FGF2: variants seen among roughly 807,000 people sequenced by gnomAD.
The protein encoded by FGF2 is basic fibroblast growth factor bFGF.
In FGF2, 13 loss-of-function variants were observed where a neutral mutation model predicts 15.9. The ratio of observed to expected loss-of-function variants is 0.82; its 90% CI spans 0.53 to 1.30. FGF2 has a LOEUF of 1.30. FGF2 is among the 50% of genes most tolerant of loss of function. The pLI is 0.00. For synonymous variants in FGF2, 90 were observed against 78.4 expected, an observed-to-expected ratio of 1.15 and a Z score of -0.78; for missense variants, 163 against 196.9, an observed-to-expected ratio of 0.83 and a Z score of 1.03.
intron 1 of FGF2, among the ~76,000 whole-genome samples, chr4:122,837,855 A>G (rs1030360213): frequency 6.6e-6 from 1 of 152,184 alleles, no homozygotes; most frequent in Non-Finnish European, 1.5e-5. Context: ...CTTTAAATGT[A>G]AGACTTATTA....
intron 1 of FGF2, among the ~76,000 whole-genome samples, chr4:122,864,682 A>G (rs1161273464): frequency 6.6e-6 from 1 of 152,172 alleles, no homozygotes; most frequent in Non-Finnish European, 1.5e-5. Flanking sequence ...CATGTTTAAT[A>G]TGATGCACAG....
At chr4:122,841,983 A>G (rs1052683380) in intron 1 of FGF2, among the ~76,000 whole-genome samples, 1 of 152,198 alleles carries the variant, frequency 6.6e-6, no homozygotes, top group Admixed American at 6.5e-5. Context: ...AATGATGTAG[A>G]ACTGTAGAGC....
intron 1 of FGF2, among the ~76,000 whole-genome samples, chr4:122,837,032 G>A (rs1451042399): frequency 6.6e-6 from 1 of 152,110 alleles, no homozygotes; most frequent in Non-Finnish European, 1.5e-5. Context: ...TCTTACTCAG[G>A]TCTAAAACCA....
intron 1 of FGF2, among the ~76,000 whole-genome samples, chr4:122,836,018 G>A (rs1299153617): frequency 6.6e-6 from 1 of 152,090 alleles, no homozygotes; most frequent in Non-Finnish European, 1.5e-5. Flanking sequence ...AGACTTCTTT[G>A]TGAAACTTTC....
At chr4:122,856,084 A>T (rs186939721) in intron 1 of FGF2, among the ~76,000 whole-genome samples, 2,696 of 152,288 alleles carry the variant, frequency 0.018, 82 homozygotes, top group African/African-American at 0.06. Context: ...AGAAAAAAAA[A>T]TTTTCAAATA....
chr4:122,841,071 G>T (rs1725974639), intron 1 of FGF2, among the ~76,000 whole-genome samples: 1 of 152,326 alleles, frequency 6.6e-6, no homozygotes, highest in South Asian at 2.1e-4. Context: ...TAGCCTTCGT[G>T]TGTTAATTTC....
intron 2 of FGF2, among the ~76,000 whole-genome samples, chr4:122,887,412 T>TC (rs1011061254): frequency 3.3e-5 from 5 of 151,896 alleles, no homozygotes; most frequent in African/African-American, 7.3e-5. Flanking sequence ...ATTTTAGCAG[T>TC]CCCCCCCACT....
chr4:122,876,281 C>T (rs2150784073), intron 1 of FGF2, 40 bp from the exon 2 acceptor site: 1 of 1,178,200 alleles, frequency 8.5e-7, no homozygotes, highest in Non-Finnish European at 1.3e-6. Flanking sequence ...AGGCTCTTTC[C>T]TCTGTGGTGC....
chr4:122,885,069 A>C (rs1448461571), intron 2 of FGF2, among the ~76,000 whole-genome samples: 1 of 152,222 alleles, frequency 6.6e-6, no homozygotes, highest in South Asian at 2.1e-4. Flanking sequence ...AAGTTTGGAT[A>C]GTCAACTCTT....
chr4:122,843,698 C>T (rs1412049284), intron 1 of FGF2, among the ~76,000 whole-genome samples: 2 of 152,090 alleles, frequency 1.3e-5, no homozygotes, highest in African/African-American at 2.4e-5. Flanking sequence ...GTAAATATCA[C>T]AATAAAGCGA....
At chr4:122,837,750 A>G (rs1725896043) in intron 1 of FGF2, among the ~76,000 whole-genome samples, 1 of 152,016 alleles carries the variant, frequency 6.6e-6, no homozygotes, top group Non-Finnish European at 1.5e-5. Context: ...TGATTTTGGA[A>G]ATTCTGATTC....
At chr4:122,863,749 G>A (rs1726518730) in intron 1 of FGF2, among the ~76,000 whole-genome samples, 1 of 152,180 alleles carries the variant, frequency 6.6e-6, no homozygotes, top group African/African-American at 2.4e-5. Context: ...TGTATTGGAA[G>A]GAGTTGGCTT....
intron 2 of FGF2, chr4:122,888,834 T>C (rs996135084): frequency 2.6e-5 from 4 of 152,242 alleles, no homozygotes; most frequent in African/African-American, 9.6e-5. Flanking sequence ...TCTTATATTC[T>C]AACATAGAAT....
intron 1 of FGF2, among the ~76,000 whole-genome samples, chr4:122,831,394 A>G (rs1422804235): frequency 2.0e-5 from 3 of 152,134 alleles, no homozygotes; most frequent in Admixed American, 1.3e-4. Context: ...GGGGTTTTGG[A>G]TAAAGCCACC....
intron 2 of FGF2, among the ~76,000 whole-genome samples, chr4:122,881,502 C>T (rs1272776003): frequency 6.6e-6 from 1 of 152,174 alleles, no homozygotes; most frequent in Admixed American, 6.5e-5. Flanking sequence ...GTTCAAAGTT[C>T]CACAAATCTC....
At position 122,892,919 on chromosome 4, in the gene FGF2, T is replaced by TC. The variant is rs779631528; in HGVS notation, c.*525dup. 1,768 of 1,614,188 alleles carry TC rather than the reference T, an allele frequency of 1.1e-3. 1 individual carries two copies. The highest frequency in any genetic ancestry group is 1.4e-3 in the Non-Finnish European group (1,688 of 1,180,018). On this transcript the variant is annotated 3_prime_UTR_variant, in exon 3 of 3. Transcript: ENST00000644866. ...TCCTGTGTAAACTGCTGGAAGTTCT[T>TC]CCACAGTCAGGTCAATTTTGTCAAA...
At position 122,897,501 on chromosome 4, in the gene FGF2, G is replaced by C; in HGVS notation, c.*5105G>C. 1 of 720,500 alleles carries C rather than the reference G, an allele frequency of 1.4e-6. No individual in the cohort carries two copies. Among genetic ancestry groups the C allele is most frequent in the East Asian group, 2.6e-5 (1 of 37,738 alleles). 44.6% of individuals were successfully genotyped at this position (720,500 alleles called of 1,614,324 possible). On this transcript the variant is annotated 3_prime_UTR_variant, in exon 3 of 3. Transcript: ENST00000644866. ...TCAGCTCTGAGGTAATTTCTGAAATGTTCAGACTCAGTCGGAACAAATTGG... is the reference window on the plus strand; with the variant it reads ...TCAGCTCTGAGGTAATTTCTGAAATCTTCAGACTCAGTCGGAACAAATTGG...
At position 122,827,702 on chromosome 4, in the gene FGF2, C is replaced by G. The variant is rs1725674931; in HGVS notation, c.178+350C>G. On this transcript the variant is annotated intron_variant, in intron 1 of 2. Transcript: ENST00000644866. The surrounding 1 kb of genome is among the most constrained non-coding windows in gnomAD (Gnocchi z 4.2). The stretch of plus-strand genomic sequence containing the variant: ...CGGCCCCGCCATGCAGCTCTGGCCG[C>G]TTCTATCTGCTGCGTGCTGTCCCGG... Among the ~76,000 whole-genome samples the G allele has an allele frequency of 1.3e-5, 2 of 152,224 alleles. No individual in the cohort carries two copies. Among genetic ancestry groups the G allele is most frequent in the Non-Finnish European group, 1.5e-5 (1 of 68,036 alleles).
intron 1 of FGF2, among the ~76,000 whole-genome samples, chr4:122,858,791 G>A (rs540727271): frequency 6.6e-6 from 1 of 152,142 alleles, no homozygotes; most frequent in African/African-American, 2.4e-5. Context: ...ATTGGATGAT[G>A]GCTGATGGAA....
Sources: allele counts gnomAD v4.1 joint callset (sites outside exome capture counted in the v4.1 genomes callset), GRCh38; gene constraint gnomAD v4.1.1; non-coding constraint Gnocchi (gnomAD v3.1); transcripts MANE v1.5; gene names NCBI Gene and HGNC (gene_info 2026-07-23, HGNC 2026-07-21).